ARMH4: variants seen among roughly 807,000 people sequenced by gnomAD.
ARMH4 encodes the protein armadillo-like helical domain-containing protein 4.
ARMH4 carries 49 observed loss-of-function variants against 61.9 expected under a neutral mutation model. The ratio of observed to expected loss-of-function variants is 0.79; its 90% CI spans 0.63 to 1.00. ARMH4 has a LOEUF of 1.00. Among genes scored for constraint, ARMH4 ranks in the 50% least tolerant of loss-of-function variants. ARMH4 has a pLI of 0.00. For missense variants in ARMH4, 934 were observed against 930.0 expected (o/e 1.00, Z -0.06); for synonymous variants, 368 against 341.5 (o/e 1.08, Z -0.85).
chr14:58,102,356 G>C (rs547495159), intron 4 of ARMH4, among the ~76,000 whole-genome samples: 1 of 152,074 alleles, frequency 6.6e-6, no homozygotes, highest in Non-Finnish European at 1.5e-5. Flanking sequence ...AGGGTGGAAC[G>C]GTGGTCCCAA....
intron 4 of ARMH4, among the ~76,000 whole-genome samples, chr14:58,125,636 G>A (rs9671871): frequency 0.57 from 87,336 of 151,992 alleles, 25,507 homozygotes; most frequent in Middle Eastern, 0.66. Flanking sequence ...ACTAAAATCT[G>A]CCACAGACCC....
Position 58,056,055 on chromosome 14 carries a change from T to C in ARMH4, c.2089+40669A>G, listed in dbSNP as rs1884336373. Among the ~76,000 whole-genome samples, 2 of 152,178 alleles carry C rather than the reference T, an allele frequency of 1.3e-5. 1 individual carries two copies. The highest frequency in any genetic ancestry group is 4.1e-4 in the South Asian group (2 of 4,830). ...ATATTTCCTTTTAATGTGTATTAAA[T>C]TGACCTTGCAGAAGCCACTGGAGGA... On this transcript the variant is annotated intron_variant, in intron 5 of 7. Coordinates refer to ENST00000267485, the MANE Select transcript of ARMH4 (RefSeq NM_001001872.4).
chr14:58,052,482 G>C (rs147752285), intron 5 of ARMH4, among the ~76,000 whole-genome samples: 1 of 152,092 alleles, frequency 6.6e-6, no homozygotes, highest in Middle Eastern at 3.4e-3. Flanking sequence ...TTTCCGAGCT[G>C]TCCGTTTGTG....
chr14:58,113,074 C>T (rs1041221762), intron 4 of ARMH4, among the ~76,000 whole-genome samples: 1 of 152,122 alleles, frequency 6.6e-6, no homozygotes, highest in African/African-American at 2.4e-5. Context: ...ATATTCACAA[C>T]CCATATTCTT....
intron 5 of ARMH4, among the ~76,000 whole-genome samples, chr14:58,083,908 C>A (rs370435254): frequency 1.3e-5 from 2 of 152,100 alleles, no homozygotes; most frequent in Admixed American, 1.3e-4. Context: ...TCATTAATAA[C>A]GAGTTAAATA....
At chr14:58,131,388 A>G (rs1227179395) in intron 4 of ARMH4, 124 bp downstream of exon 4, 7 of 697,450 alleles carry the variant, frequency 1.0e-5, no homozygotes, top group African/African-American at 9.0e-5. Context: ...GCCCAGCTGT[A>G]GTTTACTGTC....
chr14:58,102,418 G>T (rs1886014163), intron 4 of ARMH4, among the ~76,000 whole-genome samples: 1 of 152,030 alleles, frequency 6.6e-6, no homozygotes, highest in African/African-American at 2.4e-5. Context: ...GACCTCGTTT[G>T]GTAAAAGAAT....
chr14:58,085,817 C>T (rs12435980), intron 5 of ARMH4, among the ~76,000 whole-genome samples: 76,280 of 151,942 alleles, frequency 0.5, 19,433 homozygotes, highest in African/African-American at 0.53. Context: ...TTCAAATTTA[C>T]TTTTAGTGAA....
Position 58,057,016 on chromosome 14 carries a change from G to A in ARMH4, c.2089+39708C>T, listed in dbSNP as rs77886699. Among the ~76,000 whole-genome samples the A allele has an allele frequency of 5.9e-3, 899 of 152,212 alleles. 20 individuals carry two copies. The East Asian group carries it at 0.06, about 10-fold the overall frequency. ...GACATCAACAATGCCCTACTAGGTG[G>A]CAGAGCACAACTTCAGAAGGACCCT... is the stretch of plus-strand genomic sequence containing the variant. On this transcript the variant is annotated intron_variant, in intron 5 of 7. Transcript: ENST00000267485.
intron 5 of ARMH4, among the ~76,000 whole-genome samples, chr14:58,052,814 T>G (rs1451695413): frequency 1.3e-5 from 2 of 152,140 alleles, no homozygotes. Flanking sequence ...GACATTTCTC[T>G]CCTTCAGTGT....
intron 5 of ARMH4, among the ~76,000 whole-genome samples, chr14:58,041,581 T>C (rs2141183136): frequency 6.6e-6 from 1 of 152,194 alleles, no homozygotes; most frequent in South Asian, 2.1e-4. Flanking sequence ...CAGGATCAAA[T>C]TCACACATAA....
rs137871178 is a variant in ARMH4 at position 58,138,012 on chromosome 14, T to C, written c.1347A>G (p.Gln449=). 0.01 allele frequency: 16,714 copies of C among 1,610,444 alleles called. 124 individuals are homozygous for C. The highest frequency in any genetic ancestry group is 0.012 in the South Asian group (1,063 of 90,932). The change falls in exon 2 of 8, where the codon CAA becomes CAG. Residue 449 remains glutamine (Q), a synonymous_variant. Transcript: ENST00000267485. Reference sequence around the variant, plus strand: ...TACCTTTCATTGTATTTCCCAACAGTTGGTCTGCCTCAGACTCATATACAG... The same window carrying C: ...TACCTTTCATTGTATTTCCCAACAGCTGGTCTGCCTCAGACTCATATACAG... The part of the protein sequence containing the change: ...SVSVYESEAD[Q]LLGNTMKDII...
At chr14:58,102,619 G>C (rs910979953) in intron 4 of ARMH4, among the ~76,000 whole-genome samples, 1 of 148,722 alleles carries the variant, frequency 6.7e-6, no homozygotes, top group Non-Finnish European at 1.5e-5. Context: ...AGACCATCCT[G>C]GCTAACAAGG....
chr14:58,058,846 G>A (rs992854664), intron 5 of ARMH4, among the ~76,000 whole-genome samples: 1 of 152,064 alleles, frequency 6.6e-6, no homozygotes, highest in African/African-American at 2.4e-5. Context: ...GGATACAGAC[G>A]GCCCACTGGA....
intron 3 of ARMH4, among the ~76,000 whole-genome samples, chr14:58,131,957 G>A (rs915596285): frequency 6.6e-6 from 1 of 152,120 alleles, no homozygotes; most frequent in Non-Finnish European, 1.5e-5. Context: ...TCAGAACTTT[G>A]TTTTTAAATT....
chr14:58,049,933 C>A (rs1348543975), intron 5 of ARMH4, among the ~76,000 whole-genome samples: 1 of 152,190 alleles, frequency 6.6e-6, no homozygotes, highest in Non-Finnish European at 1.5e-5. Context: ...ACTATTGAAT[C>A]CTAAATCCCA....
At chr14:58,074,943 G>T in intron 5 of ARMH4, among the ~76,000 whole-genome samples, 1 of 152,096 alleles carries the variant, frequency 6.6e-6, no homozygotes, top group East Asian at 1.9e-4. Flanking sequence ...TTATGAGAGG[G>T]ATGTGGCTTT....
chr14:58,010,958 T>C (rs960503537), intron 6 of ARMH4, among the ~76,000 whole-genome samples: 4 of 140,576 alleles, frequency 2.8e-5, no homozygotes, highest in Non-Finnish European at 4.7e-5. Flanking sequence ...TATTTTTCCC[T>C]GAAAAAATAA....
chr14:58,081,941 A>G (rs1164114873), intron 5 of ARMH4, among the ~76,000 whole-genome samples: 3 of 151,730 alleles, frequency 2.0e-5, no homozygotes, highest in African/African-American at 4.8e-5. Context: ...TTAACCTGGG[A>G]AGGGAAAAAA....
Sources: gnomAD v4.1 joint callset for allele counts (sites outside exome capture counted in the v4.1 genomes callset) on GRCh38, gnomAD v4.1.1 for gene constraint, MANE v1.5 for transcripts, NCBI Gene and HGNC (gene_info 2026-07-23, HGNC 2026-07-21) for gene names.